Variants in TACC2 observed in about 807,000 individuals in gnomAD.
The protein encoded by TACC2 is transforming acidic coiled-coil-containing protein 2.
TACC2 carries 137 observed loss-of-function variants against 227.3 expected under a neutral mutation model. The observed-to-expected ratio is 0.60, with a 90% CI of 0.52 to 0.69. The LOEUF is 0.69. Among genes scored for constraint, TACC2 ranks in the 30% least tolerant of loss-of-function variants. The pLI is 0.00. For missense variants in TACC2, 3,470 were observed against 3,694.4 expected (o/e 0.94, Z 1.57); for synonymous variants, 1,523 against 1,487.5 (o/e 1.02, Z -0.55).
chr10:122,067,340 A>G (rs994130641), intron 3 of TACC2, among the ~76,000 whole-genome samples: 2 of 152,080 alleles, frequency 1.3e-5, no homozygotes, highest in African/African-American at 4.8e-5. Flanking sequence ...TTTTCTTTCA[A>G]CACTTTAAAG....
Position 122,229,348 on chromosome 10 carries a change from A to G in TACC2, c.7899A>G (p.Thr2633=). Residue 2633 remains threonine, a splice_region_variant and synonymous_variant, in exon 15 of 23, where the codon ACA becomes ACG. Transcript: ENST00000369005. ...LGTPSEAIEI[T]APEGSFASAD... ...TCCTCCTCTCTGCCGGCTTTCAGACAGCTCCCGAGGGCTCCTTTGCCTCTG... is the reference window on the plus strand; with the variant it reads ...TCCTCCTCTCTGCCGGCTTTCAGACGGCTCCCGAGGGCTCCTTTGCCTCTG... 1.2e-6 allele frequency: 2 copies of G among 1,613,654 alleles called. No homozygotes were observed. The highest frequency in any genetic ancestry group is 1.7e-6 in the Non-Finnish European group (2 of 1,179,928).
At chr10:122,222,890 A>G (rs2095548234) in intron 11 of TACC2, among the ~76,000 whole-genome samples, 1 of 152,210 alleles carries the variant, frequency 6.6e-6, no homozygotes, top group Non-Finnish European at 1.5e-5. Context: ...TAGAAGAGGC[A>G]GCTGATTCAC....
At chr10:122,202,112 ATC>A (rs2094885002) in intron 8 of TACC2, among the ~76,000 whole-genome samples, 1 of 142,418 alleles carries the variant, frequency 7.0e-6, no homozygotes, top group Admixed American at 7.4e-5. Context: ...TACATTTCCC[ATC>A]TATAAGCTTT....
At chr10:122,114,835 T>C (rs1336679985) in intron 5 of TACC2, among the ~76,000 whole-genome samples, 28 of 152,260 alleles carry the variant, frequency 1.8e-4, no homozygotes, top group Admixed American at 1.8e-3. Context: ...CTAGACAGGA[T>C]TAGCCCCTTG....
Position 122,050,379 on chromosome 10 carries a change from TTG to T in TACC2, c.34-55_34-54del. 3 of 1,373,690 alleles carry T rather than the reference TTG, an allele frequency of 2.2e-6. No homozygotes were observed. Among genetic ancestry groups the T allele is most frequent in the Non-Finnish European group, 3.1e-6 (3 of 973,000 alleles). The allele number at this position is 1,373,690 out of a possible 1,614,324, so 85.1% of individuals were successfully genotyped here. On this transcript the variant is annotated intron_variant, in intron 2 of 22. Transcript: ENST00000369005. This position sits in a 1 kb window ranked among gnomAD's most constrained non-coding sequence, Gnocchi z 4.6. The stretch of plus-strand genomic sequence containing the variant: ...GTGGGTGCCCTGTTGATAAATGTTT[TTG>T]TGTTTTCAGAGACTCCTATCTGATT...
intron 7 of TACC2, among the ~76,000 whole-genome samples, chr10:122,167,547 C>T (rs1407606634): frequency 6.6e-6 from 1 of 152,158 alleles, no homozygotes; most frequent in Admixed American, 6.5e-5. Context: ...AGAAGGATCT[C>T]GGGTACCACC....
chr10:122,238,786 C>T (rs531384194), intron 18 of TACC2, among the ~76,000 whole-genome samples: 2 of 152,014 alleles, frequency 1.3e-5, no homozygotes, highest in African/African-American at 4.8e-5. Context: ...ATATTTTTGA[C>T]GTATTTTTTA....
chr10:122,088,978 AGTGGCAC>A (rs2080401064), intron 5 of TACC2, among the ~76,000 whole-genome samples: 1 of 152,106 alleles, frequency 6.6e-6, no homozygotes, highest in Non-Finnish European at 1.5e-5. Flanking sequence ...AGCCGGGCAC[AGTGGCAC>A]GTGTCTGTAG....
intron 2 of TACC2, among the ~76,000 whole-genome samples, chr10:122,031,208 A>C (rs1206769080): frequency 6.6e-6 from 1 of 151,998 alleles, no homozygotes. Context: ...ACACCCACAG[A>C]GAGGGTCTGG....
intron 1 of TACC2, among the ~76,000 whole-genome samples, chr10:121,989,757 T>TGG (rs764504553): frequency 0.15 from 22,835 of 151,750 alleles, 2,134 homozygotes; most frequent in Admixed American, 0.24. Flanking sequence ...TAATTTTATT[T>TGG]TTTTTTTTTA....
At chr10:122,121,287 T>TGG (rs2085735496) in intron 5 of TACC2, among the ~76,000 whole-genome samples, 1 of 152,234 alleles carries the variant, frequency 6.6e-6, no homozygotes, top group Non-Finnish European at 1.5e-5. Context: ...TTGCGTGTGC[T>TGG]GGGCACCTTG....
chr10:122,163,873 C>T, intron 7 of TACC2: 1 of 1,538,474 alleles, frequency 6.5e-7, no homozygotes, highest in East Asian at 2.5e-5. Flanking sequence ...AGGAATCGCG[C>T]CAGGACGCTG....
At chr10:122,130,531 C>T (rs1221124972) in intron 5 of TACC2, among the ~76,000 whole-genome samples, 1 of 152,188 alleles carries the variant, frequency 6.6e-6, no homozygotes, top group African/African-American at 2.4e-5. Context: ...ATCCTCCAGC[C>T]TCAGCCTCCC....
intron 3 of TACC2, among the ~76,000 whole-genome samples, chr10:122,065,425 A>C (rs2077274502): frequency 6.6e-6 from 1 of 152,110 alleles, no homozygotes; most frequent in South Asian, 2.1e-4. Context: ...GTTTCCAAAT[A>C]GTTGGGGATT....
At chr10:122,213,843 C>T (rs985284577) in intron 9 of TACC2, among the ~76,000 whole-genome samples, 8 of 152,174 alleles carry the variant, frequency 5.3e-5, no homozygotes, top group African/African-American at 1.9e-4. Context: ...ATATTTGGGC[C>T]GTTCCAAATT....
intron 5 of TACC2, among the ~76,000 whole-genome samples, chr10:122,114,310 G>A (rs571463967): frequency 2.0e-5 from 3 of 152,298 alleles, no homozygotes; most frequent in South Asian, 2.1e-4. Flanking sequence ...CATGATATCT[G>A]GAAATGACTT....
In TACC2 at chr10:122,141,415, A is replaced by G. The variant is rs2090526887; in HGVS notation, c.5700-2157A>G. On this transcript the variant is annotated intron_variant, in intron 6 of 22. Coordinates refer to ENST00000369005, the MANE Select transcript of TACC2 (RefSeq NM_206862.4). The surrounding 1 kb of genome is among the most constrained non-coding windows in gnomAD (Gnocchi z 4.3). ...TTGGCTAACGGGACCCAGCCAGCGC[A>G]GGAAGGGTGTGGCCATGGCAGTTGG... Among the ~76,000 whole-genome samples, 1 of 152,136 alleles carries G rather than the reference A, an allele frequency of 6.6e-6. No individual in the cohort carries two copies. Among genetic ancestry groups the G allele is most frequent in the South Asian group, 2.1e-4 (1 of 4,822 alleles).
At position 122,209,726 on chromosome 10, in the gene TACC2, G is replaced by A. The variant is rs1565625418; in HGVS notation, c.5972-671G>A. ...TTTGAGACAGAGTCTCACTCACTCT[G>A]TCACCCAGGCTAGAGTACAGTGGCG... On this transcript the variant is annotated intron_variant, in intron 8 of 22. Transcript: ENST00000369005. The surrounding 1 kb of genome is among the most constrained non-coding windows in gnomAD (Gnocchi z 4.5). 6.5e-6 allele frequency: 1 copy of A among 152,774 alleles called. No homozygotes were observed. Among genetic ancestry groups the A allele is most frequent in the Non-Finnish European group, 1.5e-5 (1 of 68,552 alleles). 9.5% of individuals were successfully genotyped at this position (152,774 alleles called of 1,614,324 possible). A position where few individuals can be genotyped will look rare whatever the true frequency, so the allele number is the denominator to read the frequency against.
chr10:122,223,515 G>A (rs990314227), intron 11 of TACC2, among the ~76,000 whole-genome samples: 1 of 152,218 alleles, frequency 6.6e-6, no homozygotes, highest in Non-Finnish European at 1.5e-5. Flanking sequence ...AACTGTCTTC[G>A]ATTTCATGAG....
Sources: allele counts gnomAD v4.1 joint callset (sites outside exome capture counted in the v4.1 genomes callset), GRCh38; gene constraint gnomAD v4.1.1; non-coding constraint Gnocchi (gnomAD v3.1); transcripts MANE v1.5; gene names NCBI Gene and HGNC (gene_info 2026-07-23, HGNC 2026-07-21).